Variants in BRD3OS observed in about 807,000 individuals in gnomAD.
The protein encoded by BRD3OS is BRD3 opposite strand.
chr9:134,025,741 A>G (rs1442750686), intron 1 of BRD3OS, 104 bp from the exon 2 acceptor site: 2 of 152,194 alleles, frequency 1.3e-5, no homozygotes, highest in African/African-American at 4.8e-5. Context: ...CAGGCATCCC[A>G]GGAGGGGAGG....
Position 134,026,828 on chromosome 9 carries a change from C to G in BRD3OS, c.81C>G (p.Leu27=). The change falls in exon 3 of 3, where the codon CTC becomes CTG. Residue 27 remains leucine (L), a synonymous_variant. Transcript: ENST00000603928. This position sits in a 1 kb window ranked among gnomAD's most constrained non-coding sequence, Gnocchi z 4.4. ...ARLRYRDTSL[L]IWQQQQQKLE... is the part of the protein sequence containing the mutation. The stretch of plus-strand genomic sequence containing the variant: ...TCCGGTACAGGGACACCTCCTTGCT[C>G]ATCTGGCAGCAGCAACAGCAGAAGT... 2.5e-6 allele frequency: 1 copy of G among 398,962 alleles called. No homozygotes were observed. Among genetic ancestry groups the G allele is most frequent in the Non-Finnish European group, 4.4e-6 (1 of 226,092 alleles). The allele number at this position is 398,962 out of a possible 1,614,324, so 24.7% of individuals were successfully genotyped here. A position where few individuals can be genotyped will look rare whatever the true frequency, so the allele number is the denominator to read the frequency against.
Position 134,026,349 on chromosome 9 carries a change from G to C in BRD3OS, c.-399G>C, listed in dbSNP as rs1161928208. On this transcript the variant is annotated 5_prime_UTR_variant, in exon 3 of 3. Transcript: ENST00000603928. This position sits in a 1 kb window ranked among gnomAD's most constrained non-coding sequence, Gnocchi z 4.4. ...CCGGAGCTCCTTCCAGCTTGCGTCT[G>C]GGGCCACCATGTCCCTTCCTCAGGG... is the stretch of plus-strand genomic sequence containing the variant. 3 of 157,484 alleles carry C rather than the reference G, an allele frequency of 1.9e-5. No individual in the cohort carries two copies. The highest frequency in any genetic ancestry group is 6.5e-5 in the Admixed American group (1 of 15,384). The allele number at this position is 157,484 out of a possible 1,614,324, so 9.8% of individuals were successfully genotyped here.
chr9:134,029,355 G>A lies in BRD3OS; in HGVS notation c.*2353G>A, dbSNP rs1843476367. 1 of 152,338 alleles carries A rather than the reference G, an allele frequency of 6.6e-6. No individual in the cohort carries two copies. The highest frequency in any genetic ancestry group is 2.4e-5 in the African/African-American group (1 of 41,468). The allele number at this position is 152,338 out of a possible 1,614,324, so 9.4% of individuals were successfully genotyped here. A position where few individuals can be genotyped will look rare whatever the true frequency, so the allele number is the denominator to read the frequency against. ...GTGTGCTCAAGGGCCAGTCTCTGCAGGGGTCAGGGCGTGTGGGCCACGCAC... is the reference window on the plus strand; with the variant it reads ...GTGTGCTCAAGGGCCAGTCTCTGCAAGGGTCAGGGCGTGTGGGCCACGCAC... On this transcript the variant is annotated 3_prime_UTR_variant, in exon 3 of 3. Coordinates refer to ENST00000603928, the MANE Select transcript of BRD3OS (RefSeq NM_001355256.2).
chr9:134,028,551 G>A lies in BRD3OS; in HGVS notation c.*1549G>A, dbSNP rs139675966. On this transcript the variant is annotated 3_prime_UTR_variant, in exon 3 of 3. Coordinates refer to ENST00000603928, the MANE Select transcript of BRD3OS (RefSeq NM_001355256.2). ...TTACAGGTGCCTGCCACCACGCCTG[G>A]CTAATTTTTCTATTTTTAATAGAGA... is the stretch of plus-strand genomic sequence containing the variant. 3,183 of 152,322 alleles carry A rather than the reference G, an allele frequency of 0.021. 42 individuals carry two copies. Among genetic ancestry groups the A allele is most frequent in the Non-Finnish European group, 0.033 (2,256 of 68,042 alleles). 9.4% of individuals were successfully genotyped at this position (152,322 alleles called of 1,614,324 possible).
rs1843501046 is a variant in BRD3OS, at chr9:134,030,836, G to A, written c.*3834G>A. 4.3e-6 allele frequency: 1 copy of A among 232,364 alleles called. No individual in the cohort carries two copies. Among genetic ancestry groups the A allele is most frequent in the African/African-American group, 2.2e-5 (1 of 45,292 alleles). The allele number at this position is 232,364 out of a possible 1,614,324, so 14.4% of individuals were successfully genotyped here. On this transcript the variant is annotated 3_prime_UTR_variant, in exon 3 of 3. Coordinates refer to ENST00000603928, the MANE Select transcript of BRD3OS (RefSeq NM_001355256.2). The stretch of plus-strand genomic sequence containing the variant: ...CGAAGCCTGCCCCCTCGGCCTCCAG[G>A]GGTCATTCAGAGTGTTCTCAAATCC...
In BRD3OS at chr9:134,027,740, C is replaced by G. The variant is rs897575600; in HGVS notation, c.*738C>G. 6.7e-6 allele frequency: 1 copy of G among 149,490 alleles called. No homozygotes were observed. 9.3% of individuals were successfully genotyped at this position (149,490 alleles called of 1,614,324 possible). ...TTATATTTTGAGTTACCAAAATGATCATCATCTGTGAAGCATCATGGTAGC... is the reference window on the plus strand; with the variant it reads ...TTATATTTTGAGTTACCAAAATGATGATCATCTGTGAAGCATCATGGTAGC... On this transcript the variant is annotated 3_prime_UTR_variant, in exon 3 of 3. Coordinates refer to ENST00000603928, the MANE Select transcript of BRD3OS (RefSeq NM_001355256.2).
At position 134,030,308 on chromosome 9, in the gene BRD3OS, T is replaced by TA. The variant is rs1383591890; in HGVS notation, c.*3306_*3307insA. The TA allele has an allele frequency of 4.9e-5, 4 of 81,034 alleles. No individual in the cohort carries two copies. The highest frequency in any genetic ancestry group is 1.5e-4 in the African/African-American group (4 of 27,004). The allele number at this position is 81,034 out of a possible 1,614,324, so 5.0% of individuals were successfully genotyped here. A position where few individuals can be genotyped will look rare whatever the true frequency, so the allele number is the denominator to read the frequency against. On this transcript the variant is annotated 3_prime_UTR_variant, in exon 3 of 3. Coordinates refer to ENST00000603928, the MANE Select transcript of BRD3OS (RefSeq NM_001355256.2). ...AATGCAAAAAAAAAAAACAGTCTTT[T>TA]TTTTTTTTTTTTTTTTTGCTTTTTA...
rs1182993411 is a variant in BRD3OS at position 134,029,067 on chromosome 9, A to G, written c.*2065A>G. 1 of 151,788 alleles carries G rather than the reference A, an allele frequency of 6.6e-6. No individual in the cohort carries two copies. Among genetic ancestry groups the G allele is most frequent in the Non-Finnish European group, 1.5e-5 (1 of 67,982 alleles). The allele number at this position is 151,788 out of a possible 1,614,324, so 9.4% of individuals were successfully genotyped here. Reference sequence around the variant, plus strand: ...TGGAGGACCTGCCCCGCCGGCTGACACTCCCACAGCAAGGCGGGCCCGCCA... The same window carrying G: ...TGGAGGACCTGCCCCGCCGGCTGACGCTCCCACAGCAAGGCGGGCCCGCCA... On this transcript the variant is annotated 3_prime_UTR_variant, in exon 3 of 3. Transcript: ENST00000603928.
Position 134,030,304 on chromosome 9 carries a change from C to CTTTT in BRD3OS, c.*3320_*3323dup, listed in dbSNP as rs60558736. 1.3e-5 allele frequency: 1 copy of CTTTT among 78,090 alleles called. No homozygotes were observed. Among genetic ancestry groups the CTTTT allele is most frequent in the African/African-American group, 5.4e-5 (1 of 18,508 alleles). The allele number at this position is 78,090 out of a possible 1,614,324, so 4.8% of individuals were successfully genotyped here. A position where few individuals can be genotyped will look rare whatever the true frequency, so the allele number is the denominator to read the frequency against. ...GGAAAATGCAAAAAAAAAAAACAGT[C>CTTTT]TTTTTTTTTTTTTTTTTTTTTGCTT... On this transcript the variant is annotated 3_prime_UTR_variant, in exon 3 of 3. Coordinates refer to ENST00000603928, the MANE Select transcript of BRD3OS (RefSeq NM_001355256.2).
Position 134,027,243 on chromosome 9 carries a change from G to A in BRD3OS, c.*241G>A, listed in dbSNP as rs1326115111. 3.0e-6 allele frequency: 1 copy of A among 328,986 alleles called. No homozygotes were observed. Among genetic ancestry groups the A allele is most frequent in the Non-Finnish European group, 5.5e-6 (1 of 182,750 alleles). The allele number at this position is 328,986 out of a possible 1,614,324, so 20.4% of individuals were successfully genotyped here. A position where few individuals can be genotyped will look rare whatever the true frequency, so the allele number is the denominator to read the frequency against. ...AGAGTCCCCTCCGTGGTCAGCTGTT[G>A]TGACATTTGAATTCTCCAGGTGCTG... is the stretch of plus-strand genomic sequence containing the variant. On this transcript the variant is annotated 3_prime_UTR_variant, in exon 3 of 3. Coordinates refer to ENST00000603928, the MANE Select transcript of BRD3OS (RefSeq NM_001355256.2).
Position 134,027,166 on chromosome 9 carries a change from G to A in BRD3OS, c.*164G>A, listed in dbSNP as rs1015841747. The A allele has an allele frequency of 2.6e-6, 1 of 385,926 alleles. No homozygotes were observed. The allele number at this position is 385,926 out of a possible 1,614,324, so 23.9% of individuals were successfully genotyped here. A position where few individuals can be genotyped will look rare whatever the true frequency, so the allele number is the denominator to read the frequency against. ...CCCAAGAAGCGCAGAATTGGCCCCC[G>A]AACCCCTCAGCACAGCCGCGGTGTG... On this transcript the variant is annotated 3_prime_UTR_variant, in exon 3 of 3. Coordinates refer to ENST00000603928, the MANE Select transcript of BRD3OS (RefSeq NM_001355256.2).
At position 134,026,699 on chromosome 9, in the gene BRD3OS, C is replaced by T. The variant is rs976740451; in HGVS notation, c.-49C>T. ...GTCCGTTAATTTAGTGCGCGTGGGC[C>T]GTCTCAGAACAGCAGGGTTCCCAGG... On this transcript the variant is annotated 5_prime_UTR_variant, in exon 3 of 3. Transcript: ENST00000603928. The surrounding 1 kb of genome is among the most constrained non-coding windows in gnomAD (Gnocchi z 4.4). 1.3e-5 allele frequency: 5 copies of T among 398,288 alleles called. No individual in the cohort carries two copies. In the Admixed American group the frequency reaches 1.3e-4, roughly 11 times the overall value. The allele number at this position is 398,288 out of a possible 1,614,324, so 24.7% of individuals were successfully genotyped here.
At position 134,026,461 on chromosome 9, in the gene BRD3OS, C is replaced by T. The variant is rs1843430077; in HGVS notation, c.-287C>T. 3.9e-6 allele frequency: 1 copy of T among 253,496 alleles called. No homozygotes were observed. The highest frequency in any genetic ancestry group is 2.2e-5 in the African/African-American group (1 of 45,232). 15.7% of individuals were successfully genotyped at this position (253,496 alleles called of 1,614,324 possible). A position where few individuals can be genotyped will look rare whatever the true frequency, so the allele number is the denominator to read the frequency against. On this transcript the variant is annotated 5_prime_UTR_variant, in exon 3 of 3. Transcript: ENST00000603928. The surrounding 1 kb of genome is among the most constrained non-coding windows in gnomAD (Gnocchi z 4.4). ...GTGTGACGCCTCGTCCCTGTCAATT[C>T]CACACAGCTGCACCCGGAAGAGCTG...
Position 134,029,246 on chromosome 9 carries a change from T to C in BRD3OS, c.*2244T>C, listed in dbSNP as rs1433534637. The C allele has an allele frequency of 2.0e-5, 3 of 152,090 alleles. No homozygotes were observed. Among genetic ancestry groups the C allele is most frequent in the African/African-American group, 7.2e-5 (3 of 41,388 alleles). 9.4% of individuals were successfully genotyped at this position (152,090 alleles called of 1,614,324 possible). A position where few individuals can be genotyped will look rare whatever the true frequency, so the allele number is the denominator to read the frequency against. The stretch of plus-strand genomic sequence containing the variant: ...CACCACAGACTCCCCTGAGGACGGG[T>C]TGTGGCGGGGTTGGCCCCAAGCATG... On this transcript the variant is annotated 3_prime_UTR_variant, in exon 3 of 3. Coordinates refer to ENST00000603928, the MANE Select transcript of BRD3OS (RefSeq NM_001355256.2).
rs755277498 is a variant in BRD3OS, at chr9:134,030,597, TC to T, written c.*3597del. ...ATTTTAAATATAAAAAAGAAAAACT[TC>T]CTGGAAGCATTATGCCAGTATTAAG... On this transcript the variant is annotated 3_prime_UTR_variant, in exon 3 of 3. Transcript: ENST00000603928. 3.2e-4 allele frequency: 72 copies of T among 223,754 alleles called. No individual in the cohort carries two copies. The highest frequency in any genetic ancestry group is 2.4e-3 in the South Asian group (13 of 5,448). 13.9% of individuals were successfully genotyped at this position (223,754 alleles called of 1,614,324 possible).
In BRD3OS at chr9:134,026,721, C is replaced by G; in HGVS notation, c.-27C>G. ...GGCCGTCTCAGAACAGCAGGGTTCC[C>G]AGGAGTCCAGCGGGACGGGGGAGGG... On this transcript the variant is annotated 5_prime_UTR_variant, in exon 3 of 3. Coordinates refer to ENST00000603928, the MANE Select transcript of BRD3OS (RefSeq NM_001355256.2). This position sits in a 1 kb window ranked among gnomAD's most constrained non-coding sequence, Gnocchi z 4.4. The G allele has an allele frequency of 5.0e-6, 2 of 398,686 alleles. No individual in the cohort carries two copies. Among genetic ancestry groups the G allele is most frequent in the Non-Finnish European group, 8.8e-6 (2 of 226,062 alleles). The allele number at this position is 398,686 out of a possible 1,614,324, so 24.7% of individuals were successfully genotyped here. A position where few individuals can be genotyped will look rare whatever the true frequency, so the allele number is the denominator to read the frequency against.
At position 134,031,530 on chromosome 9, in the gene BRD3OS, C is replaced by T. The variant is rs986216140; in HGVS notation, c.*4528C>T. The T allele has an allele frequency of 5.0e-6, 1 of 201,786 alleles. No homozygotes were observed. The highest frequency in any genetic ancestry group is 2.3e-5 in the African/African-American group (1 of 43,452). 12.5% of individuals were successfully genotyped at this position (201,786 alleles called of 1,614,324 possible). On this transcript the variant is annotated 3_prime_UTR_variant, in exon 3 of 3. Coordinates refer to ENST00000603928, the MANE Select transcript of BRD3OS (RefSeq NM_001355256.2). Reference sequence around the variant, plus strand: ...GGTAACTTTAAAAAATGGAAACTTTCAAATCCATTTATATTTTTATTATAA... The same window carrying T: ...GGTAACTTTAAAAAATGGAAACTTTTAAATCCATTTATATTTTTATTATAA...
In BRD3OS at chr9:134,031,535, C is replaced by A. The variant is rs1287972652; in HGVS notation, c.*4533C>A. On this transcript the variant is annotated 3_prime_UTR_variant, in exon 3 of 3. Coordinates refer to ENST00000603928, the MANE Select transcript of BRD3OS (RefSeq NM_001355256.2). ...CTTTAAAAAATGGAAACTTTCAAATCCATTTATATTTTTATTATAAACAAA... is the reference window on the plus strand; with the variant it reads ...CTTTAAAAAATGGAAACTTTCAAATACATTTATATTTTTATTATAAACAAA... 5.0e-6 allele frequency: 1 copy of A among 201,786 alleles called. No homozygotes were observed. Among genetic ancestry groups the A allele is most frequent in the African/African-American group, 2.3e-5 (1 of 43,488 alleles). 12.5% of individuals were successfully genotyped at this position (201,786 alleles called of 1,614,324 possible). A position where few individuals can be genotyped will look rare whatever the true frequency, so the allele number is the denominator to read the frequency against.
In BRD3OS at chr9:134,029,044, G is replaced by A. The variant is rs1843471783; in HGVS notation, c.*2042G>A. 6.6e-6 allele frequency: 1 copy of A among 152,250 alleles called. No individual in the cohort carries two copies. Among genetic ancestry groups the A allele is most frequent in the African/African-American group, 2.4e-5 (1 of 41,466 alleles). The allele number at this position is 152,250 out of a possible 1,614,324, so 9.4% of individuals were successfully genotyped here. Reference sequence around the variant, plus strand: ...TGCAGAGGGAGTGAGCATGGGGCTGGAGGACCTGCCCCGCCGGCTGACACT... The same window carrying A: ...TGCAGAGGGAGTGAGCATGGGGCTGAAGGACCTGCCCCGCCGGCTGACACT... On this transcript the variant is annotated 3_prime_UTR_variant, in exon 3 of 3. Coordinates refer to ENST00000603928, the MANE Select transcript of BRD3OS (RefSeq NM_001355256.2).
Sources: allele counts gnomAD v4.1 joint callset, GRCh38; gene constraint gnomAD v4.1.1; non-coding constraint Gnocchi (gnomAD v3.1); transcripts MANE v1.5; gene names NCBI Gene and HGNC (gene_info 2026-07-23, HGNC 2026-07-21).